BBS7: variants seen among roughly 807,000 people sequenced by gnomAD.
BBS7 encodes Bardet-Biedl syndrome 7.
Under a neutral mutation model 90.3 loss-of-function variants are expected in BBS7, and 50 were observed. That is an observed-to-expected ratio of 0.55 (90% CI 0.44 to 0.70). The LOEUF (loss-of-function observed/expected upper bound fraction) is 0.70, where lower values mean the gene tolerates loss of function less well. Among genes scored for constraint, BBS7 ranks in the 30% least tolerant of loss-of-function variants. The pLI, the probability that BBS7 is intolerant of heterozygous loss-of-function variation, is 0.00. For synonymous variants in BBS7, 235 were observed against 287.4 expected (o/e 0.82, Z 1.85); for missense variants, 729 against 838.9 (o/e 0.87, Z 1.62).
chr4:121,835,648 A>C (rs1725414313), intron 13 of BBS7, among the ~76,000 whole-genome samples: 2 of 152,206 alleles, frequency 1.3e-5, no homozygotes. Context: ...AAGGAAGAGG[A>C]TAAGAAAAGA....
At chr4:121,828,381 C>T in intron 17 of BBS7, 21 bp downstream of exon 17, 1 of 1,601,312 alleles carries the variant, frequency 6.2e-7, no homozygotes, top group Non-Finnish European at 8.6e-7. Context: ...ATCACCAGTC[C>T]ACGACGACAC....
At chr4:121,835,070 C>T in intron 14 of BBS7, 74 bp downstream of exon 14, 1 of 1,491,208 alleles carries the variant, frequency 6.7e-7, no homozygotes, top group East Asian at 2.3e-5. Context: ...AGAATTTACA[C>T]TATAAAAATA....
In BBS7 at chr4:121,870,430, C is replaced by T; in HGVS notation, c.-117G>A. ...GCCCGCGCCCCTCAAAAGCCAGCCC[C>T]AGCTACCGCGCCTAGGTCCTGGGCT... is the stretch of plus-strand genomic sequence containing the variant. On this transcript the variant is annotated 5_prime_UTR_variant, in exon 1 of 19. Transcript: ENST00000264499. The T allele has an allele frequency of 8.2e-7, 1 of 1,217,096 alleles. No homozygotes were observed. The highest frequency in any genetic ancestry group is 1.2e-6 in the Non-Finnish European group (1 of 834,486). The allele number at this position is 1,217,096 out of a possible 1,614,324, so 75.4% of individuals were successfully genotyped here.
chr4:121,861,437 T>C, intron 4 of BBS7, 67 bp downstream of exon 4: 7 of 1,414,272 alleles, frequency 4.9e-6, no homozygotes, highest in Non-Finnish European at 6.9e-6. Context: ...GATACTTAGT[T>C]GCCTCACATC....
intron 12 of BBS7, 135 bp downstream of exon 12, chr4:121,843,792 C>A: frequency 3.0e-6 from 2 of 676,090 alleles, no homozygotes; most frequent in Non-Finnish European, 2.6e-6. Context: ...AGAACCGACA[C>A]AGATTTTGAA....
chr4:121,865,639 T>C (rs1448973201), intron 2 of BBS7, among the ~76,000 whole-genome samples: 1 of 152,228 alleles, frequency 6.6e-6, no homozygotes, highest in African/African-American at 2.4e-5. Flanking sequence ...GCTGATTCCA[T>C]ATCTTGGCTA....
At chr4:121,841,487 G>A (rs1275715509) in intron 12 of BBS7, among the ~76,000 whole-genome samples, 1 of 152,024 alleles carries the variant, frequency 6.6e-6, no homozygotes, top group African/African-American at 2.4e-5. Context: ...ATAAGCTTAA[G>A]CCCAGAAGTT....
At chr4:121,842,962 T>C (rs1289775528) in intron 12 of BBS7, among the ~76,000 whole-genome samples, 1 of 152,198 alleles carries the variant, frequency 6.6e-6, no homozygotes, top group Admixed American at 6.5e-5. Flanking sequence ...GTCTGTTGAA[T>C]GAAGTTTAGT....
chr4:121,827,625 T>C (rs1724972208), intron 18 of BBS7: 1 of 315,966 alleles, frequency 3.2e-6, no homozygotes, highest in Non-Finnish European at 4.6e-6. Context: ...CCTCACTCCT[T>C]CTTTCCCTCT....
At chr4:121,838,495 C>A (rs1247499111) in intron 13 of BBS7, among the ~76,000 whole-genome samples, 1 of 151,786 alleles carries the variant, frequency 6.6e-6, no homozygotes, top group Non-Finnish European at 1.5e-5. Context: ...GATTTGTGTG[C>A]TATGGTAAGT....
At chr4:121,839,030 G>A (rs1725599141) in intron 13 of BBS7, among the ~76,000 whole-genome samples, 1 of 151,924 alleles carries the variant, frequency 6.6e-6, no homozygotes, top group South Asian at 2.1e-4. Flanking sequence ...TAATAGTGTT[G>A]TAGTTATGTT....
rs762882282 is a variant in BBS7 at position 121,867,996 on chromosome 4, G to C, written c.87C>G (p.His29Gln). 1 of 1,613,330 alleles carries C rather than the reference G, an allele frequency of 6.2e-7. No individual in the cohort carries two copies. The highest frequency in any genetic ancestry group is 8.5e-7 in the Non-Finnish European group (1 of 1,179,428). Reference sequence around the variant, plus strand: ...TATACAGTACCTTTTGTGTAGCTCTGTGTCTTGAGGCAGGAATTAGCTTCA... The same window carrying C: ...TATACAGTACCTTTTGTGTAGCTCTCTGTCTTGAGGCAGGAATTAGCTTCA... ...KTMKLIPASR[H>Q]RATQKVVIGD... The change falls in exon 2 of 19, where the codon CAC becomes CAG. Residue 29 changes from histidine to glutamine, a missense_variant. His to Gln is a conservative substitution (Grantham distance 24). Coordinates refer to ENST00000264499, the MANE Select transcript of BBS7 (RefSeq NM_176824.3).
chr4:121,833,089 T>C, intron 15 of BBS7, 142 bp downstream of exon 15: 1 of 769,480 alleles, frequency 1.3e-6, no homozygotes, highest in Non-Finnish European at 2.1e-6. Flanking sequence ...CTAAACTTAC[T>C]AATTTGATTT....
intron 4 of BBS7, among the ~76,000 whole-genome samples, chr4:121,861,080 G>A (rs1050529338): frequency 3.9e-5 from 6 of 152,110 alleles, no homozygotes; most frequent in Non-Finnish European, 8.8e-5. Context: ...CATTTAGGGA[G>A]CTATATTTCA....
intron 4 of BBS7, among the ~76,000 whole-genome samples, chr4:121,860,812 C>G (rs1020223534): frequency 3.3e-5 from 5 of 151,988 alleles, no homozygotes; most frequent in African/African-American, 1.2e-4. Flanking sequence ...TTGTTTCTAG[C>G]CTAAGAGTCT....
chr4:121,825,774 A>G lies in BBS7; in HGVS notation c.*86T>C. ...GATATAAAAAAGCATTTGAAATTAA[A>G]GTACATACACAGTTAACTTCTAATT... On this transcript the variant is annotated 3_prime_UTR_variant, in exon 19 of 19. Coordinates refer to ENST00000264499, the MANE Select transcript of BBS7 (RefSeq NM_176824.3). 7.5e-7 allele frequency: 1 copy of G among 1,330,810 alleles called. No individual in the cohort carries two copies. Among genetic ancestry groups the G allele is most frequent in the African/African-American group, 1.5e-5 (1 of 68,052 alleles). 82.4% of individuals were successfully genotyped at this position (1,330,810 alleles called of 1,614,324 possible).
chr4:121,856,798 C>G (rs1464342630), intron 5 of BBS7, among the ~76,000 whole-genome samples: 1 of 147,922 alleles, frequency 6.8e-6, no homozygotes, highest in East Asian at 2.0e-4. Flanking sequence ...GAGATGGAAT[C>G]TTGCTTTGTT....
At chr4:121,868,850 G>T (rs1727432621) in intron 1 of BBS7, among the ~76,000 whole-genome samples, 1 of 152,138 alleles carries the variant, frequency 6.6e-6, no homozygotes, top group Non-Finnish European at 1.5e-5. Context: ...GTTAGGAGAA[G>T]AGGATGGGAC....
chr4:121,830,989 C>T lies in BBS7; in HGVS notation c.1676+2242G>A, dbSNP rs542390822. 2.4e-4 allele frequency among the ~76,000 whole-genome samples: 36 copies of T among 152,256 alleles called. No individual in the cohort carries two copies. In the East Asian group the frequency reaches 5.2e-3, roughly 22 times the overall value. ...TTGGGAGGCTGAGGCAGGCAGATCACGAGGTCAAGAGATCAAGACCATCCT... is the reference window on the plus strand; with the variant it reads ...TTGGGAGGCTGAGGCAGGCAGATCATGAGGTCAAGAGATCAAGACCATCCT... On this transcript the variant is annotated intron_variant, in intron 15 of 18. Coordinates refer to ENST00000264499, the MANE Select transcript of BBS7 (RefSeq NM_176824.3).
Sources: gnomAD v4.1 joint callset for allele counts (sites outside exome capture counted in the v4.1 genomes callset) on GRCh38, gnomAD v4.1.1 for gene constraint, MANE v1.5 for transcripts, NCBI Gene and HGNC (gene_info 2026-07-23, HGNC 2026-07-21) for gene names.